The following DYNC1H1 variants were observed in gnomAD, a reference collection of about 807,000 sequenced individuals.
DYNC1H1 encodes dynein cytoplasmic 1 heavy chain 1.
DYNC1H1 carries 51 observed loss-of-function variants against 527.1 expected under a neutral mutation model. That is an observed-to-expected ratio of 0.10 (90% confidence interval 0.08 to 0.12). DYNC1H1 has a LOEUF of 0.12. Ranked by LOEUF, DYNC1H1 falls within the 10% of genes least tolerant of loss-of-function variation. DYNC1H1 has a pLI of 1.00. For missense variants in DYNC1H1, 2,771 were observed against 5,971.8 expected (o/e 0.46, Z 17.66); for synonymous variants, 2,189 against 2,278.8 (o/e 0.96, Z 1.12).
rs145487328 is a variant in DYNC1H1 at position 102,016,909 on chromosome 14, C to G, written c.7758C>G (p.Ala2586=). The G allele has an allele frequency of 2.1e-5, 34 of 1,614,194 alleles. 1 individual carries two copies. The South Asian group carries it at 3.6e-4, about 17-fold the overall frequency. Residue 2586 remains alanine (A), a synonymous_variant, in exon 38 of 78, where the codon GCC becomes GCG. Coordinates refer to ENST00000360184, the MANE Select transcript of DYNC1H1 (RefSeq NM_001376.5). The surrounding 1 kb of genome is among the most constrained non-coding windows in gnomAD (Gnocchi z 7.3). ...RHEALLYTWL[A]EHKPLVLCGP... The stretch of plus-strand genomic sequence containing the variant: ...AAGCCCTCTTGTACACTTGGCTGGC[C>G]GAACACAAGCCCCTGGTCTTGTGTG...
intron 56 of DYNC1H1, chr14:102,034,653 G>A (rs115280171): frequency 3.4e-6 from 3 of 889,114 alleles, no homozygotes; most frequent in Non-Finnish European, 5.2e-6. Context: ...TGCAGTGAAT[G>A]CTTCTTGTAA....
At position 102,026,678 on chromosome 14, in the gene DYNC1H1, A is replaced by G. The variant is rs1205354688; in HGVS notation, c.8742A>G (p.Glu2914=). 1.9e-6 allele frequency: 3 copies of G among 1,614,180 alleles called. No individual in the cohort carries two copies. In the South Asian group the frequency reaches 3.3e-5, roughly 18 times the overall value. The change falls in exon 44 of 78, where the codon GAA becomes GAG. Residue 2914 remains glutamate (E), a synonymous_variant. Coordinates refer to ENST00000360184, the MANE Select transcript of DYNC1H1 (RefSeq NM_001376.5). ...ELDVPLVLFN[E]VLDHVLRIDR... ...ATGTTCCGCTGGTGCTGTTTAATGA[A>G]GTCCTAGACCACGTGCTGAGGATTG...
chr14:102,044,109 G>A lies in DYNC1H1; in HGVS notation c.12684+64G>A. On this transcript the variant is annotated intron_variant, in intron 70 of 77. Transcript: ENST00000360184. This position sits in a 1 kb window ranked among gnomAD's most constrained non-coding sequence, Gnocchi z 7.1. ...ATCTGGGAAGGATGCTGCAGGGCGT[G>A]GTGCTGAGAGGCCAGACTCTGCGTG... 1 of 1,601,408 alleles carries A rather than the reference G, an allele frequency of 6.2e-7. No homozygotes were observed. The highest frequency in any genetic ancestry group is 1.1e-5 in the South Asian group (1 of 90,080).
At chr14:102,004,711 C>T (rs746540203) in intron 24 of DYNC1H1, 28 bp downstream of exon 24, 20 of 1,614,148 alleles carry the variant, frequency 1.2e-5, no homozygotes, top group East Asian at 2.2e-5. Flanking sequence ...ACTTTTAAAA[C>T]TTCTCTCACA....
chr14:102,043,669 T>A, intron 69 of DYNC1H1: 1 of 642,208 alleles, frequency 1.6e-6, no homozygotes, highest in East Asian at 2.8e-5. Flanking sequence ...ACTGGCTGAA[T>A]AAATTCTGAT....
At chr14:102,047,041 C>T (rs1470408998) in intron 72 of DYNC1H1, among the ~76,000 whole-genome samples, 1 of 152,152 alleles carries the variant, frequency 6.6e-6, no homozygotes, top group Admixed American at 6.5e-5. Flanking sequence ...GAGATGCTCC[C>T]GCTTCCGCCT....
rs1455513252 is a variant in DYNC1H1, at chr14:102,000,935, CT to C, written c.4075-17del. On this transcript the variant is annotated intron_variant, in intron 18 of 77. Transcript: ENST00000360184. Reference sequence around the variant, plus strand: ...GAAATGTTGGCAAGCTAAATAGCATCTTATGTTTCTCTCGACAGCTTCGACA... The same window carrying C: ...GAAATGTTGGCAAGCTAAATAGCATCTATGTTTCTCTCGACAGCTTCGACA... 1.2e-6 allele frequency: 2 copies of C among 1,601,864 alleles called. No individual in the cohort carries two copies. The highest frequency in any genetic ancestry group is 2.7e-5 in the African/African-American group (2 of 74,788).
intron 42 of DYNC1H1, among the ~76,000 whole-genome samples, chr14:102,021,656 C>CTTTTTTTTTTTTTTTTTT (rs757880988): frequency 4.2e-5 from 5 of 119,834 alleles, no homozygotes; most frequent in Admixed American, 9.0e-5. Context: ...TTTTCTTTTT[C>CTTTTTTTTTTTTTTTTTT]TTTTTTTTTT....
chr14:101,980,440 C>A lies in DYNC1H1; in HGVS notation c.851C>A (p.Ala284Glu). The A allele has an allele frequency of 6.2e-7, 1 of 1,614,218 alleles. No individual in the cohort carries two copies. The highest frequency in any genetic ancestry group is 8.5e-7 in the Non-Finnish European group (1 of 1,180,042). ...AGTTTTTGGCTAAACTTGGAACGTG[C>A]GTTATACCGCATCCAGGAGAAACGG... Reference protein sequence around the residue: ...EISFWLNLERALYRIQEKRES... With the variant: ...EISFWLNLERELYRIQEKRES... The change falls in exon 5 of 78, where the codon GCG becomes GAG. Residue 284 changes from alanine to glutamate, a missense_variant. Transcript: ENST00000360184.
At position 102,005,257 on chromosome 14, in the gene DYNC1H1, C is replaced by T. The variant is rs775379449; in HGVS notation, c.5433+21C>T. 47 of 1,614,014 alleles carry T rather than the reference C, an allele frequency of 2.9e-5. No individual in the cohort carries two copies. In the South Asian group the frequency reaches 5.1e-4, roughly 17 times the overall value. On this transcript the variant is annotated intron_variant, in intron 26 of 77. Transcript: ENST00000360184. This position sits in a 1 kb window ranked among gnomAD's most constrained non-coding sequence, Gnocchi z 4.0. ...ACTTGGTTAGTCTCACACCTGACTC[C>T]TTCCTTACCAGTTAGACTCTTACAC...
chr14:102,008,598 G>A (rs1461340691), intron 29 of DYNC1H1, among the ~76,000 whole-genome samples: 3 of 152,124 alleles, frequency 2.0e-5, no homozygotes, highest in African/African-American at 7.2e-5. Flanking sequence ...GACCAGTCTG[G>A]CCAACGTGGT....
chr14:102,005,814 C>G lies in DYNC1H1; in HGVS notation c.5434-74C>G. 2 of 1,583,448 alleles carry G rather than the reference C, an allele frequency of 1.3e-6. No homozygotes were observed. Among genetic ancestry groups the G allele is most frequent in the South Asian group, 1.1e-5 (1 of 89,884 alleles). ...ACCTAGAACCTCAATTTCAGTTTAA[C>G]AGTCCACAAACCCGGAGAATGCACT... is the stretch of plus-strand genomic sequence containing the variant. On this transcript the variant is annotated intron_variant, in intron 26 of 77. Coordinates refer to ENST00000360184, the MANE Select transcript of DYNC1H1 (RefSeq NM_001376.5). This position sits in a 1 kb window ranked among gnomAD's most constrained non-coding sequence, Gnocchi z 4.0.
Position 102,050,075 on chromosome 14 carries a change from G to C in DYNC1H1, c.13689G>C (p.Leu4563Phe). 1 of 1,614,174 alleles carries C rather than the reference G, an allele frequency of 6.2e-7. No individual in the cohort carries two copies. Among genetic ancestry groups the C allele is most frequent in the Non-Finnish European group, 8.5e-7 (1 of 1,180,018 alleles). The part of the protein sequence containing the change: ...LDACSFGVTG[L>F]KLQGATCNNN... ...GTTTTGGCTTCCGCCTCACAGGTTTGAAACTTCAAGGGGCCACGTGCAACA... is the reference window on the plus strand; with the variant it reads ...GTTTTGGCTTCCGCCTCACAGGTTTCAAACTTCAAGGGGCCACGTGCAACA... The change falls in exon 77 of 78, where the codon TTG becomes TTC. Residue 4563 changes from leucine (L) to phenylalanine (F), a missense_variant. Physicochemically the swap from Leu to Phe is conservative, Grantham distance 22 (BLOSUM62 0). Around this residue, in one of 32 missense-constraint regions of DYNC1H1, gnomAD observed 106 missense variants for 139.2 expected, o/e 0.76. Coordinates refer to ENST00000360184, the MANE Select transcript of DYNC1H1 (RefSeq NM_001376.5).
At chr14:102,014,960 C>A in intron 34 of DYNC1H1, 145 bp from the exon 35 acceptor site, 1 of 886,016 alleles carries the variant, frequency 1.1e-6, no homozygotes, top group Admixed American at 2.1e-5. Flanking sequence ...CAATTACAGG[C>A]ACACGCCACC....
In DYNC1H1 at chr14:101,986,682, C is replaced by T. The variant is rs148030949; in HGVS notation, c.2457C>T (p.Gly819=). ...KKEVQALIAE[G]IALVWESYKL... ...AAGTGCAGGCCCTGATCGCAGAAGG[C>T]ATTGCGTTGGTGTGGGAGTCCTACA... Residue 819 remains glycine (G), a synonymous_variant, in exon 8 of 78, where the codon GGC becomes GGT. Transcript: ENST00000360184. The surrounding 1 kb of genome is among the most constrained non-coding windows in gnomAD (Gnocchi z 8.7). 2 of 1,614,142 alleles carry T rather than the reference C, an allele frequency of 1.2e-6. No homozygotes were observed. Among genetic ancestry groups the T allele is most frequent in the Non-Finnish European group, 1.7e-6 (2 of 1,180,016 alleles).
In DYNC1H1 at chr14:102,041,754, C is replaced by A. The variant is rs200362531; in HGVS notation, c.12102+20C>A. 3 of 1,613,742 alleles carry A rather than the reference C, an allele frequency of 1.9e-6. No individual in the cohort carries two copies. The highest frequency in any genetic ancestry group is 2.5e-6 in the Non-Finnish European group (3 of 1,180,024). The stretch of plus-strand genomic sequence containing the variant: ...ACAGAGGTAATGTCCTGGTACAGCC[C>A]GGGCTTCCCACGAGACTCCATGCCC... On this transcript the variant is annotated intron_variant, in intron 65 of 77. Transcript: ENST00000360184. This position sits in a 1 kb window ranked among gnomAD's most constrained non-coding sequence, Gnocchi z 4.5.
In DYNC1H1 at chr14:102,018,351, C is replaced by T. The variant is rs919524468; in HGVS notation, c.8178-100C>T. The T allele has an allele frequency of 1.3e-6, 2 of 1,524,974 alleles. No homozygotes were observed. The highest frequency in any genetic ancestry group is 1.9e-5 in the Admixed American group (1 of 51,646). The allele number at this position is 1,524,974 out of a possible 1,614,324, so 94.5% of individuals were successfully genotyped here. On this transcript the variant is annotated intron_variant, in intron 40 of 77. Transcript: ENST00000360184. The surrounding 1 kb of genome is among the most constrained non-coding windows in gnomAD (Gnocchi z 5.2). ...CTGCATAGCTGGGTTAGGAAGCGAC[C>T]TCCAGACAGGGCCCTGGACAGGGCG...
chr14:102,038,394 A>G lies in DYNC1H1; in HGVS notation c.10909-66A>G. On this transcript the variant is annotated intron_variant, in intron 57 of 77. Transcript: ENST00000360184. This position sits in a 1 kb window ranked among gnomAD's most constrained non-coding sequence, Gnocchi z 7.2. The stretch of plus-strand genomic sequence containing the variant: ...TGCTTATCCAGAGTAGGACAGCAAC[A>G]TAGCATTTGGGTGAAGATAAAGTTA... 2.5e-6 allele frequency: 4 copies of G among 1,602,978 alleles called. No homozygotes were observed. The East Asian group carries it at 6.7e-5, about 27-fold the overall frequency.
rs2047835065 is a variant in DYNC1H1 at position 101,979,191 on chromosome 14, A to G, written c.345-128A>G. On this transcript the variant is annotated intron_variant, in intron 2 of 77. Transcript: ENST00000360184. This position sits in a 1 kb window ranked among gnomAD's most constrained non-coding sequence, Gnocchi z 4.6. The stretch of plus-strand genomic sequence containing the variant: ...TGATTCAGTAGCTCTCATGTACTAA[A>G]GAAAGACAAGCAGTGCATTTCACTA... 3.3e-6 allele frequency: 3 copies of G among 918,730 alleles called. No homozygotes were observed. In the African/African-American group the frequency reaches 5.0e-5, roughly 15 times the overall value. The allele number at this position is 918,730 out of a possible 1,614,324, so 56.9% of individuals were successfully genotyped here. A position where few individuals can be genotyped will look rare whatever the true frequency, so the allele number is the denominator to read the frequency against.
Sources: gnomAD v4.1 joint callset for allele counts (sites outside exome capture counted in the v4.1 genomes callset) on GRCh38, gnomAD v4.1.1 for gene constraint, gnomAD v4.1.1 regional missense constraint, Gnocchi (gnomAD v3.1) non-coding constraint, MANE v1.5 for transcripts, NCBI Gene and HGNC (gene_info 2026-07-23, HGNC 2026-07-21) for gene names.